The following SGCZ variants were observed in gnomAD, a reference collection of about 807,000 sequenced individuals.
The protein encoded by SGCZ is sarcoglycan zeta.
SGCZ carries 40 observed loss-of-function variants against 41.3 expected under a neutral mutation model. That is an observed-to-expected ratio of 0.97 (90% CI 0.75 to 1.26). The LOEUF (loss-of-function observed/expected upper bound fraction) is 1.26, where lower values mean the gene tolerates loss of function less well. SGCZ is among the 50% of genes most tolerant of loss of function. The pLI is 0.00. For synonymous variants in SGCZ, 206 were observed against 137.5 expected, an observed-to-expected ratio of 1.50 and a Z score of -3.49; for missense variants, 552 against 369.8, an observed-to-expected ratio of 1.49 and a Z score of -4.04.
intron 5 of SGCZ, among the ~76,000 whole-genome samples, chr8:14,151,123 G>A (rs1194343926): frequency 6.6e-6 from 1 of 152,046 alleles, no homozygotes; most frequent in Non-Finnish European, 1.5e-5. Flanking sequence ...ACAATAGGGT[G>A]ACTATAGTCA....
At chr8:14,685,298 A>G (rs893291659) in intron 1 of SGCZ, among the ~76,000 whole-genome samples, 12 of 152,120 alleles carry the variant, frequency 7.9e-5, no homozygotes, top group African/African-American at 2.9e-4. Flanking sequence ...GACATTTCCA[A>G]TTACAGAGTA....
intron 1 of SGCZ, among the ~76,000 whole-genome samples, chr8:15,108,264 C>G (rs1806909057): frequency 6.6e-6 from 1 of 151,966 alleles, no homozygotes; most frequent in South Asian, 2.1e-4. Context: ...ACATATGGTT[C>G]TCAGTTATTT....
intron 7 of SGCZ, among the ~76,000 whole-genome samples, chr8:14,100,446 C>T (rs1222050633): frequency 6.7e-6 from 1 of 149,964 alleles, no homozygotes; most frequent in Non-Finnish European, 1.5e-5. Context: ...AGAAAGACTT[C>T]CGTCCTACTG....
chr8:14,651,659 T>A (rs13252442), intron 1 of SGCZ, among the ~76,000 whole-genome samples: 31,996 of 151,998 alleles, frequency 0.21, 3,808 homozygotes, highest in South Asian at 0.35. Context: ...TATGCACAAA[T>A]TTTGTATTAA....
intron 1 of SGCZ, among the ~76,000 whole-genome samples, chr8:14,958,445 A>T (rs1800862723): frequency 6.6e-6 from 1 of 152,094 alleles, no homozygotes; most frequent in Admixed American, 6.6e-5. Context: ...TAACATGGTA[A>T]ACTCTGAAAA....
At chr8:14,681,268 A>C (rs1808437690) in intron 1 of SGCZ, among the ~76,000 whole-genome samples, 1 of 152,176 alleles carries the variant, frequency 6.6e-6, no homozygotes, top group Non-Finnish European at 1.5e-5. Context: ...GAACACAATT[A>C]GGAATTACTG....
At chr8:14,548,357 C>T (rs919708854) in intron 2 of SGCZ, among the ~76,000 whole-genome samples, 9 of 152,086 alleles carry the variant, frequency 5.9e-5, no homozygotes, top group Non-Finnish European at 1.0e-4. Flanking sequence ...AAATACTCCA[C>T]GGGCAGGGAA....
chr8:14,556,090 G>A (rs1804026851), intron 1 of SGCZ, among the ~76,000 whole-genome samples: 2 of 151,782 alleles, frequency 1.3e-5, no homozygotes, highest in Admixed American at 1.3e-4. Flanking sequence ...ATACAACTTA[G>A]AAATATGGAT....
At chr8:14,321,129 A>T (rs1279100867) in intron 3 of SGCZ, among the ~76,000 whole-genome samples, 1 of 152,106 alleles carries the variant, frequency 6.6e-6, no homozygotes, top group East Asian at 1.9e-4. Context: ...CCCAGATTAC[A>T]CATCTTTTGT....
At chr8:14,787,962 T>G (rs1308271351) in intron 1 of SGCZ, among the ~76,000 whole-genome samples, 1 of 152,164 alleles carries the variant, frequency 6.6e-6, no homozygotes. Context: ...GCCATTTAGT[T>G]AAAATATATT....
At chr8:14,475,767 C>T (rs1451375085) in intron 2 of SGCZ, among the ~76,000 whole-genome samples, 4 of 152,046 alleles carry the variant, frequency 2.6e-5, no homozygotes, top group East Asian at 3.9e-4. Flanking sequence ...TATATATATA[C>T]ACACACACAA....
intron 1 of SGCZ, among the ~76,000 whole-genome samples, chr8:14,562,274 A>G (rs927638960): frequency 2.0e-5 from 3 of 152,166 alleles, no homozygotes; most frequent in Non-Finnish European, 2.9e-5. Flanking sequence ...GCCTCCGAGC[A>G]GAAGATTGTT....
intron 1 of SGCZ, among the ~76,000 whole-genome samples, chr8:14,895,143 A>G (rs980437572): frequency 1.3e-5 from 2 of 152,154 alleles, no homozygotes; most frequent in Non-Finnish European, 2.9e-5. Context: ...AATTTATACA[A>G]TTAATCGTTT....
In SGCZ at chr8:14,141,647, A is replaced by G. The variant is rs565220113; in HGVS notation, c.547+22933T>C. 2.6e-5 allele frequency among the ~76,000 whole-genome samples: 4 copies of G among 152,340 alleles called. No homozygotes were observed. In the East Asian group the frequency reaches 7.7e-4, roughly 29 times the overall value. On this transcript the variant is annotated intron_variant, in intron 5 of 7. Coordinates refer to ENST00000382080, the MANE Select transcript of SGCZ (RefSeq NM_139167.4). ...TCTTACACCAGTTAGAATGGCGATC[A>G]TTAAAAAGTCGGGAAACAACAGATG...
intron 2 of SGCZ, among the ~76,000 whole-genome samples, chr8:14,445,215 C>G (rs1254659757): frequency 2.0e-5 from 3 of 152,230 alleles, no homozygotes; most frequent in African/African-American, 7.2e-5. Flanking sequence ...TAAAACTCCA[C>G]CTTCAAGCCA....
chr8:14,098,229 A>C (rs1801904859), intron 7 of SGCZ, among the ~76,000 whole-genome samples: 1 of 152,198 alleles, frequency 6.6e-6, no homozygotes, highest in Non-Finnish European at 1.5e-5. Flanking sequence ...AGATGTTGAA[A>C]TATATTACCC....
intron 2 of SGCZ, among the ~76,000 whole-genome samples, chr8:14,550,539 T>C (rs1438368272): frequency 6.6e-6 from 1 of 152,042 alleles, no homozygotes; most frequent in African/African-American, 2.4e-5. Context: ...CAGCTGGCTG[T>C]ACTACTGCTA....
intron 3 of SGCZ, among the ~76,000 whole-genome samples, chr8:14,273,154 C>G (rs1170752414): frequency 6.6e-6 from 1 of 151,342 alleles, no homozygotes; most frequent in Non-Finnish European, 1.5e-5. Flanking sequence ...TTCATTAAGG[C>G]CTTTATTTTA....
At chr8:14,501,770 A>G (rs2126322) in intron 2 of SGCZ, among the ~76,000 whole-genome samples, 3,364 of 152,200 alleles carry the variant, frequency 0.022, 123 homozygotes, top group African/African-American at 0.077. Flanking sequence ...TCCCTCCAAA[A>G]TTTAGTATTC....
Sources: allele counts gnomAD v4.1 joint callset (sites outside exome capture counted in the v4.1 genomes callset), GRCh38; gene constraint gnomAD v4.1.1; transcripts MANE v1.5; gene names NCBI Gene and HGNC (gene_info 2026-07-23, HGNC 2026-07-21).